The following CSGALNACT1 variants were observed in gnomAD, a reference collection of about 807,000 sequenced individuals.
CSGALNACT1 encodes the protein chondroitin sulfate N-acetylgalactosaminyltransferase 1.
A neutral mutation model predicts 51.0 loss-of-function variants in CSGALNACT1; 52 were observed. The ratio of observed to expected loss-of-function variants is 1.02; its 90% CI spans 0.82 to 1.29. CSGALNACT1 has a LOEUF of 1.29. CSGALNACT1 is among the 50% of genes most tolerant of loss of function. CSGALNACT1 has a pLI of 0.00. For missense variants in CSGALNACT1, 935 were observed against 679.2 expected (o/e 1.38, Z -4.19); for synonymous variants, 341 against 254.4 (o/e 1.34, Z -3.24).
At chr8:19,609,324 T>C (rs1223770699) in intron 1 of CSGALNACT1, among the ~76,000 whole-genome samples, 1 of 148,766 alleles carries the variant, frequency 6.7e-6, no homozygotes, top group Admixed American at 6.8e-5. Flanking sequence ...TCAGGGATCC[T>C]ACAATTGCTG....
Position 19,420,537 on chromosome 8 carries a change from T to A in CSGALNACT1, c.954-19A>T, listed in dbSNP as rs745573407. 6.2e-7 allele frequency: 1 copy of A among 1,612,326 alleles called. No homozygotes were observed. The highest frequency in any genetic ancestry group is 1.3e-5 in the African/African-American group (1 of 74,856). On this transcript the variant is annotated intron_variant, in intron 6 of 9. Transcript: ENST00000454498. ...GGCAGCTCTGAAAGGCAAGACCAGG[T>A]ACTGTCACTCACATTCCCACATGTT...
At chr8:19,497,059 T>G (rs930884364) in intron 4 of CSGALNACT1, among the ~76,000 whole-genome samples, 1 of 152,078 alleles carries the variant, frequency 6.6e-6, no homozygotes, top group Non-Finnish European at 1.5e-5. Flanking sequence ...CTTAGGGAAC[T>G]GGTGAAAACT....
chr8:19,579,956 A>T (rs755175545), intron 3 of CSGALNACT1, among the ~76,000 whole-genome samples: 1 of 152,230 alleles, frequency 6.6e-6, no homozygotes, highest in Non-Finnish European at 1.5e-5. Flanking sequence ...GAAGAGGAGG[A>T]GAAATAGCTG....
At chr8:19,438,913 A>T (rs1439822561) in intron 6 of CSGALNACT1, among the ~76,000 whole-genome samples, 1 of 152,250 alleles carries the variant, frequency 6.6e-6, no homozygotes, top group Non-Finnish European at 1.5e-5. Context: ...TTCGACTATC[A>T]TCCTATTACC....
chr8:19,427,978 CACA>C (rs1222312560), intron 6 of CSGALNACT1, among the ~76,000 whole-genome samples: 1 of 152,068 alleles, frequency 6.6e-6, no homozygotes, highest in Non-Finnish European at 1.5e-5. Context: ...TAGGATAAGA[CACA>C]TAAAGAACCT....
intron 1 of CSGALNACT1, among the ~76,000 whole-genome samples, chr8:19,681,481 C>G (rs1487067019): frequency 6.6e-6 from 1 of 152,104 alleles, no homozygotes; most frequent in Non-Finnish European, 1.5e-5. Context: ...GAACTGGGGA[C>G]CTAGGGACCT....
chr8:19,446,438 G>A (rs1240156429), intron 5 of CSGALNACT1, among the ~76,000 whole-genome samples: 5 of 152,028 alleles, frequency 3.3e-5, no homozygotes, highest in South Asian at 4.2e-4. Flanking sequence ...CATAGTCTCC[G>A]TGCACGAGCT....
chr8:19,439,888 C>T (rs779529702), exon 6 of CSGALNACT1: 1 of 1,614,148 alleles, frequency 6.2e-7, no homozygotes, highest in Non-Finnish European at 8.5e-7. Flanking sequence ...CCAAAGTAAA[C>T]AACAGTGAGA....
intron 3 of CSGALNACT1, among the ~76,000 whole-genome samples, chr8:19,546,427 T>C (rs1290849184): frequency 6.6e-6 from 1 of 152,226 alleles, no homozygotes; most frequent in Non-Finnish European, 1.5e-5. Context: ...TTAAGGACTT[T>C]GTGGTCATGG....
At chr8:19,578,200 T>G (rs994455112) in intron 3 of CSGALNACT1, among the ~76,000 whole-genome samples, 2 of 152,244 alleles carry the variant, frequency 1.3e-5, no homozygotes, top group Non-Finnish European at 2.9e-5. Context: ...CTAGTCACTA[T>G]GCCATTTGCA....
intron 3 of CSGALNACT1, among the ~76,000 whole-genome samples, chr8:19,507,528 G>GAAAAAAAAAAAAAAAAAAAAAAAA (rs35759799): frequency 1.3e-5 from 1 of 74,890 alleles, no homozygotes; most frequent in African/African-American, 5.6e-5. Context: ...ATCTTAGCCA[G>GAAAAAAAAAAAAAAAAAAAAAAAA]AAAAAAAAAA....
intron 5 of CSGALNACT1, among the ~76,000 whole-genome samples, chr8:19,444,985 A>C (rs1315899857): frequency 6.6e-6 from 1 of 152,226 alleles, no homozygotes; most frequent in African/African-American, 2.4e-5. Flanking sequence ...CACTCTGGTC[A>C]CAGGTTTGAT....
At chr8:19,491,478 T>C (rs1443389423) in intron 4 of CSGALNACT1, among the ~76,000 whole-genome samples, 1 of 152,226 alleles carries the variant, frequency 6.6e-6, no homozygotes, top group African/African-American at 2.4e-5. Context: ...TAATACTAAA[T>C]ATAAATTTTC....
chr8:19,581,856 T>C (rs1276875145), intron 3 of CSGALNACT1, among the ~76,000 whole-genome samples: 2 of 152,202 alleles, frequency 1.3e-5, no homozygotes, highest in Non-Finnish European at 2.9e-5. Flanking sequence ...GCTGCTGTTG[T>C]AGGTATTTTT....
intron 5 of CSGALNACT1, among the ~76,000 whole-genome samples, chr8:19,443,664 G>C (rs1245371065): frequency 6.6e-6 from 1 of 152,160 alleles, no homozygotes; most frequent in South Asian, 2.1e-4. Flanking sequence ...GTGATTCAAT[G>C]ATCTCCACCT....
intron 4 of CSGALNACT1, among the ~76,000 whole-genome samples, chr8:19,491,040 A>G (rs983342614): frequency 3.3e-5 from 5 of 152,106 alleles, no homozygotes; most frequent in Admixed American, 3.3e-4. Context: ...ATTTCCAAAG[A>G]AAGTATCTGG....
At chr8:19,611,056 G>T (rs776030326) in intron 1 of CSGALNACT1, among the ~76,000 whole-genome samples, 41 of 152,200 alleles carry the variant, frequency 2.7e-4, no homozygotes, top group African/African-American at 9.4e-4. Flanking sequence ...CACGCCCTGC[G>T]AAGGGGACAA....
chr8:19,411,020 C>A (rs947352400), intron 8 of CSGALNACT1, among the ~76,000 whole-genome samples: 1 of 152,142 alleles, frequency 6.6e-6, no homozygotes, highest in Non-Finnish European at 1.5e-5. Context: ...AATCGTCAGC[C>A]ATCTCATTTC....
intron 4 of CSGALNACT1, among the ~76,000 whole-genome samples, chr8:19,478,713 T>G (rs1171654539): frequency 6.6e-6 from 1 of 152,176 alleles, no homozygotes; most frequent in Non-Finnish European, 1.5e-5. Context: ...GACCCCCCCT[T>G]TCTCCACTGC....
Sources: allele counts gnomAD v4.1 joint callset (sites outside exome capture counted in the v4.1 genomes callset), GRCh38; gene constraint gnomAD v4.1.1; transcripts MANE v1.5; gene names NCBI Gene and HGNC (gene_info 2026-07-23, HGNC 2026-07-21).